CDC14A: variants seen among roughly 807,000 people sequenced by gnomAD.
CDC14A encodes the protein cell division cycle 14A.
A neutral mutation model predicts 74.4 loss-of-function variants in CDC14A; 53 were observed. The observed-to-expected ratio is 0.71, with a 90% CI of 0.57 to 0.89. The LOEUF is 0.89. CDC14A is among the 40% of genes least tolerant of loss of function. The pLI is 0.00. For synonymous variants in CDC14A, 247 were observed against 258.4 expected (o/e 0.96, Z 0.43); for missense variants, 646 against 713.7 (o/e 0.91, Z 1.08).
intron 7 of CDC14A, among the ~76,000 whole-genome samples, chr1:100,450,854 A>T (rs1392101957): frequency 6.6e-6 from 1 of 152,044 alleles, no homozygotes; most frequent in Non-Finnish European, 1.5e-5. Context: ...GACTCTAATT[A>T]TGGTCTGGCC....
At chr1:100,485,312 C>T (rs1669918911) in intron 11 of CDC14A, 2 of 984,634 alleles carry the variant, frequency 2.0e-6, no homozygotes, top group African/African-American at 1.7e-5. Flanking sequence ...GGTCTTTCTA[C>T]CACGTTATAC....
intron 4 of CDC14A, among the ~76,000 whole-genome samples, chr1:100,415,488 T>C (rs974354547): frequency 2.0e-5 from 3 of 152,232 alleles, no homozygotes; most frequent in African/African-American, 7.2e-5. Context: ...TGTCAGGTTC[T>C]GCTTAACTTC....
chr1:100,383,863 T>A (rs569733691), intron 3 of CDC14A, among the ~76,000 whole-genome samples: 152 of 152,160 alleles, frequency 1.0e-3, no homozygotes, highest in African/African-American at 3.6e-3. Context: ...AGATTTTACT[T>A]TTCTGTGTTT....
intron 2 of CDC14A, among the ~76,000 whole-genome samples, chr1:100,369,099 A>G (rs547835456): frequency 1.4e-5 from 2 of 143,388 alleles, no homozygotes; most frequent in East Asian, 4.0e-4. Flanking sequence ...TTTTTTTGAG[A>G]TGGAGTCTCG....
intron 5 of CDC14A, among the ~76,000 whole-genome samples, chr1:100,429,721 A>C (rs1487439346): frequency 1.4e-5 from 2 of 143,892 alleles, no homozygotes; most frequent in African/African-American, 2.5e-5. Context: ...ATTTATATAT[A>C]TATTATATAT....
intron 4 of CDC14A, among the ~76,000 whole-genome samples, chr1:100,411,919 G>A (rs1025389774): frequency 1.3e-5 from 2 of 152,170 alleles, no homozygotes; most frequent in Non-Finnish European, 2.9e-5. Context: ...CCCTCTTTGG[G>A]GTGGTGATGC....
intron 12 of CDC14A, among the ~76,000 whole-genome samples, chr1:100,495,720 T>C (rs1371610453): frequency 6.6e-6 from 1 of 152,180 alleles, no homozygotes; most frequent in South Asian, 2.1e-4. Context: ...ATGTGTAATC[T>C]GGGAGAAACT....
chr1:100,372,065 TA>T (rs1255882811), intron 2 of CDC14A, among the ~76,000 whole-genome samples: 3 of 152,232 alleles, frequency 2.0e-5, no homozygotes, highest in Non-Finnish European at 4.4e-5. Context: ...GCTATGTTTA[TA>T]CTATACTGTG....
chr1:100,467,679 C>T (rs1667987715), intron 9 of CDC14A, among the ~76,000 whole-genome samples: 1 of 152,182 alleles, frequency 6.6e-6, no homozygotes, highest in Non-Finnish European at 1.5e-5. Context: ...TTGCTTCCAT[C>T]TCTGGCTTTT....
At chr1:100,396,362 A>G (rs1297224350) in intron 4 of CDC14A, among the ~76,000 whole-genome samples, 1 of 152,230 alleles carries the variant, frequency 6.6e-6, no homozygotes, top group African/African-American at 2.4e-5. Flanking sequence ...TTTGAACACT[A>G]TCAATTTAGA....
chr1:100,412,755 T>TTATATATATATATTA (rs1266830850), intron 4 of CDC14A, among the ~76,000 whole-genome samples: 2 of 94,302 alleles, frequency 2.1e-5, no homozygotes, highest in Admixed American at 1.0e-4. Context: ...TATATATATT[T>TTATATATATATATTA]TATATATATA....
chr1:100,519,171 C>CT lies in CDC14A; in HGVS notation c.*894dup, dbSNP rs537283414. On this transcript the variant is annotated 3_prime_UTR_variant, in exon 16 of 16. Coordinates refer to ENST00000336454, the MANE Select transcript of CDC14A (RefSeq NM_003672.4). ...TTCTTAACCCAATTAGGATATCCTG[C>CT]TTTGGGTATGAGGTTGTTGTTGCCT... 14 of 151,906 alleles carry CT rather than the reference C, an allele frequency of 9.2e-5. No individual in the cohort carries two copies. The East Asian group carries it at 2.7e-3, about 29-fold the overall frequency. 9.4% of individuals were successfully genotyped at this position (151,906 alleles called of 1,614,324 possible). A position where few individuals can be genotyped will look rare whatever the true frequency, so the allele number is the denominator to read the frequency against.
chr1:100,426,484 T>A (rs752280270), intron 5 of CDC14A, among the ~76,000 whole-genome samples: 15 of 152,294 alleles, frequency 9.8e-5, no homozygotes, highest in Non-Finnish European at 2.2e-4. Context: ...CTACTTAACA[T>A]AGAATTGATT....
intron 1 of CDC14A, among the ~76,000 whole-genome samples, chr1:100,353,479 A>G (rs983778366): frequency 1.6e-4 from 24 of 151,808 alleles, no homozygotes; most frequent in Admixed American, 1.5e-3. Context: ...CCAAACTTGC[A>G]CCTCCAGTTC....
chr1:100,485,383 AG>A, intron 11 of CDC14A: 1 of 883,238 alleles, frequency 1.1e-6, no homozygotes, highest in Non-Finnish European at 1.4e-6. Flanking sequence ...AAAAAAGAAA[AG>A]AAAAAAAGGA....
intron 2 of CDC14A, among the ~76,000 whole-genome samples, chr1:100,371,506 A>G (rs1654472432): frequency 6.6e-6 from 1 of 152,184 alleles, no homozygotes; most frequent in Admixed American, 6.5e-5. Flanking sequence ...TTTACCATGA[A>G]CGGATGTTGG....
At chr1:100,403,701 C>T (rs1659566775) in intron 4 of CDC14A, among the ~76,000 whole-genome samples, 1 of 152,072 alleles carries the variant, frequency 6.6e-6, no homozygotes, top group Admixed American at 6.6e-5. Context: ...ACTGTGTTAC[C>T]CTTAAAGCCC....
chr1:100,402,154 G>A lies in CDC14A; in HGVS notation c.309+11330G>A, dbSNP rs1011832372. Among the ~76,000 whole-genome samples, 17 of 150,872 alleles carry A rather than the reference G, an allele frequency of 1.1e-4. No individual in the cohort carries two copies. The East Asian group carries it at 2.0e-3, about 17-fold the overall frequency. On this transcript the variant is annotated intron_variant, in intron 4 of 15. Transcript: ENST00000336454. ...ATTCATTATGAAAAAAAAAAAAATCGGAAAGGAGGTACTCAAAGCCCTGAA... is the reference window on the plus strand; with the variant it reads ...ATTCATTATGAAAAAAAAAAAAATCAGAAAGGAGGTACTCAAAGCCCTGAA...
At chr1:100,463,773 G>A (rs1363298711) in intron 9 of CDC14A, among the ~76,000 whole-genome samples, 1 of 152,048 alleles carries the variant, frequency 6.6e-6, no homozygotes, top group Non-Finnish European at 1.5e-5. Flanking sequence ...CAGATCTTTC[G>A]GTATGGATAA....
Sources: allele counts gnomAD v4.1 joint callset (sites outside exome capture counted in the v4.1 genomes callset), GRCh38; gene constraint gnomAD v4.1.1; transcripts MANE v1.5; gene names NCBI Gene and HGNC (gene_info 2026-07-23, HGNC 2026-07-21).